Variants in GPM6A observed in about 807,000 individuals in gnomAD.
GPM6A encodes the protein neuronal membrane glycoprotein M6-a.
GPM6A carries 7 observed loss-of-function variants against 32.1 expected under a neutral mutation model. The ratio of observed to expected loss-of-function variants is 0.22; its 90% CI spans 0.12 to 0.41. GPM6A has a LOEUF of 0.41. GPM6A is among the 10% of genes least tolerant of loss of function. GPM6A has a pLI of 1.00. For synonymous variants in GPM6A, 130 were observed against 123.4 expected, an observed-to-expected ratio of 1.05 and a Z score of -0.35; for missense variants, 235 against 347.2, an observed-to-expected ratio of 0.68 and a Z score of 2.57.
chr4:175,876,134 CTG>C (rs982729563), intron 1 of GPM6A, among the ~76,000 whole-genome samples: 25 of 152,234 alleles, frequency 1.6e-4, no homozygotes, highest in African/African-American at 6.0e-4. Flanking sequence ...AGAATCTGCA[CTG>C]TGATTCCTCT....
intron 2 of GPM6A, among the ~76,000 whole-genome samples, chr4:175,677,832 C>T (rs759592333): frequency 3.9e-5 from 6 of 152,068 alleles, no homozygotes; most frequent in Non-Finnish European, 7.4e-5. Context: ...AGCATATCAC[C>T]ATATCCAAAT....
upstream of GPM6A, among the ~76,000 whole-genome samples, chr4:175,813,969 A>C (rs1331167481): frequency 6.6e-6 from 1 of 150,598 alleles, no homozygotes; most frequent in East Asian, 1.9e-4. Context: ...CTGCTTGCTC[A>C]GTGCACAGAT....
intron 1 of GPM6A, among the ~76,000 whole-genome samples, chr4:175,896,665 A>G (rs1737802821): frequency 6.6e-6 from 1 of 152,132 alleles, no homozygotes; most frequent in Non-Finnish European, 1.5e-5. Context: ...CTGCCTTGCA[A>G]AAATCTCCCC....
At chr4:175,933,376 A>G (rs925329229) in intron 1 of GPM6A, among the ~76,000 whole-genome samples, 5 of 152,178 alleles carry the variant, frequency 3.3e-5, no homozygotes, top group African/African-American at 4.8e-5. Flanking sequence ...GAGTAACACT[A>G]AGTCTCATAC....
rs2270606 is a variant in GPM6A at position 175,811,949 on chromosome 4, C to T, written c.37+242G>A. 1,249 of 387,156 alleles carry T rather than the reference C, an allele frequency of 3.2e-3. 22 individuals are homozygous for T. The East Asian group carries it at 0.037, about 12-fold the overall frequency. 24.0% of individuals were successfully genotyped at this position (387,156 alleles called of 1,614,324 possible). On this transcript the variant is annotated intron_variant, in intron 1 of 6. Transcript: ENST00000393658. ...TCTAAGGAATAGTTCACTACAATAC[C>T]GCAATGCTCTTCTCACTAATACTCG...
intron 1 of GPM6A, among the ~76,000 whole-genome samples, chr4:175,956,512 T>G (rs964671119): frequency 2.0e-5 from 3 of 152,224 alleles, no homozygotes; most frequent in Non-Finnish European, 2.9e-5. Context: ...TTTAAACCAA[T>G]AGTTAAGCTG....
At chr4:175,735,438 T>G (rs1258686778) in intron 1 of GPM6A, among the ~76,000 whole-genome samples, 1 of 152,192 alleles carries the variant, frequency 6.6e-6, no homozygotes, top group Non-Finnish European at 1.5e-5. Flanking sequence ...AATCAGGCTG[T>G]GAAATGTAAT....
At chr4:175,643,484 G>A (rs968748616) in intron 4 of GPM6A, among the ~76,000 whole-genome samples, 14 of 152,050 alleles carry the variant, frequency 9.2e-5, no homozygotes, top group Non-Finnish European at 1.8e-4. Context: ...ACTTAGCACC[G>A]GCTCTTCTCT....
At position 175,929,685 on chromosome 4, in the gene GPM6A, G is replaced by A. The variant is rs182716907; in HGVS notation, c.-23+72624C>T. ...AGTCAATGATTCCCCCTCAAAAAAT[G>A]TACACAGGGCTTTGGGCATATTAGT... On this transcript the variant is annotated intron_variant, in intron 1 of 7. Coordinates refer to the GPM6A transcript ENST00000280187. Among the ~76,000 whole-genome samples the A allele has an allele frequency of 2.0e-3, 310 of 152,210 alleles. 2 individuals are homozygous for A. The highest frequency in any genetic ancestry group is 6.8e-3 in the African/African-American group (284 of 41,548).
chr4:175,771,111 A>G (rs17061992), intron 1 of GPM6A, among the ~76,000 whole-genome samples: 17,097 of 151,922 alleles, frequency 0.11, 1,033 homozygotes, highest in South Asian at 0.16. Context: ...ATCCTAACCT[A>G]TCTCACCTTC....
intron 1 of GPM6A, among the ~76,000 whole-genome samples, chr4:175,731,533 C>G (rs993757641): frequency 1.3e-5 from 2 of 152,182 alleles, no homozygotes; most frequent in African/African-American, 4.8e-5. Flanking sequence ...GTCCTCTACA[C>G]AGTGCCCAGC....
intron 3 of GPM6A, 37 bp from the exon 4 acceptor site, chr4:175,652,024 T>G: frequency 6.5e-7 from 1 of 1,550,344 alleles, no homozygotes; most frequent in Non-Finnish European, 8.8e-7. Context: ...GAAAATGTAA[T>G]CTACCAAAAA....
chr4:175,886,381 T>C (rs1737455980), intron 1 of GPM6A, among the ~76,000 whole-genome samples: 1 of 152,124 alleles, frequency 6.6e-6, no homozygotes, highest in South Asian at 2.1e-4. Context: ...AGAAAATAAC[T>C]GTCAAGCTAG....
chr4:175,724,110 A>C (rs1290839593), intron 1 of GPM6A, among the ~76,000 whole-genome samples: 1 of 152,216 alleles, frequency 6.6e-6, no homozygotes, highest in Non-Finnish European at 1.5e-5. Flanking sequence ...TACACAATGG[A>C]ATAGCATTCA....
At chr4:175,774,662 TA>T (rs1733322620) in intron 1 of GPM6A, among the ~76,000 whole-genome samples, 2 of 152,060 alleles carry the variant, frequency 1.3e-5, no homozygotes, top group South Asian at 2.1e-4. Flanking sequence ...GTCTTGTATA[TA>T]ATGGTAAGAT....
intron 4 of GPM6A, 27 bp downstream of exon 4, chr4:175,651,807 C>G (rs1326765395): frequency 6.3e-7 from 1 of 1,588,262 alleles, no homozygotes; most frequent in Middle Eastern, 1.7e-4. Context: ...TGGTGTTTTA[C>G]AGTTTAGAGA....
intron 1 of GPM6A, among the ~76,000 whole-genome samples, chr4:175,747,657 G>A (rs1040844051): frequency 6.6e-6 from 1 of 152,134 alleles, no homozygotes; most frequent in African/African-American, 2.4e-5. Context: ...GCGATCATCT[G>A]AGCCTTCAGC....
intron 1 of GPM6A, among the ~76,000 whole-genome samples, chr4:175,967,746 A>G (rs1199300508): frequency 6.6e-6 from 1 of 152,032 alleles, no homozygotes; most frequent in African/African-American, 2.4e-5. Flanking sequence ...AAACTACAAC[A>G]TTCTGATTAA....
At chr4:175,929,384 G>C (rs999056197) in intron 1 of GPM6A, among the ~76,000 whole-genome samples, 4 of 152,120 alleles carry the variant, frequency 2.6e-5, no homozygotes, top group Non-Finnish European at 5.9e-5. Context: ...AAGTTATAGG[G>C]GCCGTTGTTA....
Sources: allele counts gnomAD v4.1 joint callset (sites outside exome capture counted in the v4.1 genomes callset), GRCh38; gene constraint gnomAD v4.1.1; transcripts MANE v1.5; gene names NCBI Gene and HGNC (gene_info 2026-07-23, HGNC 2026-07-21).